Variants in ZNF280D observed in about 807,000 individuals in gnomAD.
The protein encoded by ZNF280D is suppressor of hairy wing homolog 4.
Under a neutral mutation model 94.7 loss-of-function variants are expected in ZNF280D, and 39 were observed. The observed-to-expected ratio is 0.41, with a 90% confidence interval of 0.32 to 0.54. The LOEUF (loss-of-function observed/expected upper bound fraction) is 0.54. Ranked by LOEUF, ZNF280D falls within the 20% of genes least tolerant of loss-of-function variation. The pLI, the probability that ZNF280D is intolerant of heterozygous loss-of-function variation, is 0.22. For synonymous variants in ZNF280D, 398 were observed against 377.6 expected, an observed-to-expected ratio of 1.05 and a Z score of -0.63; for missense variants, 1,090 against 1,149.3, an observed-to-expected ratio of 0.95 and a Z score of 0.75.
At position 56,704,231 on chromosome 15, in the gene ZNF280D, T is replaced by A. The variant is rs201407256; in HGVS notation, c.65A>T (p.Glu22Val). Residue 22 changes from glutamate (E) to valine (V), a missense_variant, in exon 4 of 22, where the codon GAA becomes GTA. By Grantham distance (121) the Glu-to-Val change is moderately radical. Around this residue, in one of 3 missense-constraint regions of ZNF280D, gnomAD observed 386 missense variants for 372.0 expected, o/e 1.04. Coordinates refer to ENST00000267807, the MANE Select transcript of ZNF280D (RefSeq NM_017661.4). ...CTGCCATGGTTCCAGCTCCTCTTCTTCACATTCCATAAACAGTTCTGCCAT... is the reference window on the plus strand; with the variant it reads ...CTGCCATGGTTCCAGCTCCTCTTCTACACATTCCATAAACAGTTCTGCCAT... The part of the protein sequence containing the change: ...SKMAELFMEC[E>V]EEELEPWQKK... 31 of 1,612,814 alleles carry A rather than the reference T, an allele frequency of 1.9e-5. 1 individual carries two copies. In the East Asian group the frequency reaches 6.0e-4, roughly 31 times the overall value.
Position 56,730,256 on chromosome 15 carries a change from G to C in ZNF280D, c.-86+3202C>G, listed in dbSNP as rs557740708. On this transcript the variant is annotated intron_variant, in intron 1 of 21. Coordinates refer to ENST00000267807, the MANE Select transcript of ZNF280D (RefSeq NM_017661.4). ...TTTAAATCACTATTTAAAGCAATCTGAAAATTCAAAGTTTTTAATTCCTTT... is the reference window on the plus strand; with the variant it reads ...TTTAAATCACTATTTAAAGCAATCTCAAAATTCAAAGTTTTTAATTCCTTT... 3.3e-5 allele frequency: 5 copies of C among 152,190 alleles called. No homozygotes were observed. The South Asian group carries it at 1.0e-3, about 32-fold the overall frequency. The allele number at this position is 152,190 out of a possible 1,614,324, so 9.4% of individuals were successfully genotyped here. A position where few individuals can be genotyped will look rare whatever the true frequency, so the allele number is the denominator to read the frequency against.
chr15:56,731,429 G>A (rs913402990), intron 1 of ZNF280D, among the ~76,000 whole-genome samples: 23 of 146,760 alleles, frequency 1.6e-4, no homozygotes, highest in African/African-American at 5.7e-4. Context: ...CTTGAGCCCA[G>A]GAAGGAGGTC....
chr15:56,652,694 G>A (rs192261075), intron 19 of ZNF280D: 3 of 985,130 alleles, frequency 3.0e-6, no homozygotes, highest in Admixed American at 6.2e-5. Context: ...CATCTTAGAC[G>A]CACAAATACG....
In ZNF280D at chr15:56,630,318, A is replaced by G. The variant is rs550650283; in HGVS notation, c.*1180T>C. On this transcript the variant is annotated 3_prime_UTR_variant, in exon 22 of 22. Coordinates refer to ENST00000267807, the MANE Select transcript of ZNF280D (RefSeq NM_017661.4). ...AAGCACATTTTAAGAAGTAAAAATG[A>G]AGCATTTTAAATAAAAGTTTATTAG... 1.5e-4 allele frequency: 23 copies of G among 152,312 alleles called. No individual in the cohort carries two copies. The highest frequency in any genetic ancestry group is 5.3e-4 in the African/African-American group (22 of 41,600). The allele number at this position is 152,312 out of a possible 1,614,324, so 9.4% of individuals were successfully genotyped here. A position where few individuals can be genotyped will look rare whatever the true frequency, so the allele number is the denominator to read the frequency against.
intron 13 of ZNF280D, among the ~76,000 whole-genome samples, chr15:56,671,023 T>C (rs2054827931): frequency 6.6e-6 from 1 of 151,988 alleles, no homozygotes; most frequent in Non-Finnish European, 1.5e-5. Context: ...TCTAATGGGG[T>C]TGGTTTCTTT....
At chr15:56,723,234 A>AT (rs1390952116) in intron 1 of ZNF280D, among the ~76,000 whole-genome samples, 3,573 of 110,376 alleles carry the variant, frequency 0.032, 73 homozygotes, top group South Asian at 0.071. Flanking sequence ...ATAATAATAA[A>AT]AAAATAAATA....
chr15:56,666,061 G>C (rs1237530964), intron 16 of ZNF280D, among the ~76,000 whole-genome samples: 1 of 151,758 alleles, frequency 6.6e-6, no homozygotes. Flanking sequence ...GCTTGATCCT[G>C]GGAGGCAGAG....
intron 9 of ZNF280D, among the ~76,000 whole-genome samples, chr15:56,684,282 T>C (rs1310408674): frequency 6.6e-6 from 1 of 152,134 alleles, no homozygotes; most frequent in Non-Finnish European, 1.5e-5. Context: ...TTAAACACTA[T>C]AGGCACTCAC....
chr15:56,669,337 G>A (rs1035821530), intron 13 of ZNF280D, among the ~76,000 whole-genome samples: 10 of 151,928 alleles, frequency 6.6e-5, no homozygotes, highest in Admixed American at 2.0e-4. Context: ...TTTCTAGTTG[G>A]TTGAAAAGTT....
At chr15:56,724,246 T>A (rs1333364451) in intron 1 of ZNF280D, among the ~76,000 whole-genome samples, 1 of 152,216 alleles carries the variant, frequency 6.6e-6, no homozygotes, top group Admixed American at 6.5e-5. Context: ...TTTGCTTTCA[T>A]CTCTTCAATA....
intron 4 of ZNF280D, among the ~76,000 whole-genome samples, chr15:56,702,481 C>A (rs1413852199): frequency 1.3e-5 from 2 of 151,954 alleles, no homozygotes; most frequent in African/African-American, 4.8e-5. Flanking sequence ...GGGGTTAATC[C>A]CCTTCTTGAT....
intron 1 of ZNF280D, chr15:56,730,040 C>T (rs1387011560): frequency 2.6e-5 from 4 of 151,872 alleles, no homozygotes; most frequent in African/African-American, 9.7e-5. Flanking sequence ...TATTTTTACT[C>T]CTATAAATTA....
intron 1 of ZNF280D, among the ~76,000 whole-genome samples, chr15:56,711,566 G>GC (rs2057760331): frequency 6.6e-6 from 1 of 152,128 alleles, no homozygotes; most frequent in African/African-American, 2.4e-5. Context: ...TCGGGAGGCT[G>GC]AAGAAGAATG....
At chr15:56,660,289 C>A (rs1423941285) in intron 16 of ZNF280D, among the ~76,000 whole-genome samples, 1 of 152,016 alleles carries the variant, frequency 6.6e-6, no homozygotes, top group Non-Finnish European at 1.5e-5. Flanking sequence ...AACAAGCAGG[C>A]TATTTATGGT....
chr15:56,635,079 T>C (rs1443073491), intron 21 of ZNF280D, 116 bp downstream of exon 21: 2 of 481,992 alleles, frequency 4.1e-6, no homozygotes, highest in East Asian at 4.0e-5. Flanking sequence ...TTACAGAAAA[T>C]AGCACTATAT....
intron 19 of ZNF280D, among the ~76,000 whole-genome samples, chr15:56,643,763 G>T (rs1307073478): frequency 6.6e-6 from 1 of 151,648 alleles, no homozygotes; most frequent in South Asian, 2.1e-4. Flanking sequence ...GTGTAAGTAG[G>T]GTACCTACCT....
intron 13 of ZNF280D, 116 bp downstream of exon 13, chr15:56,676,554 G>T (rs1338434169): frequency 6.0e-6 from 5 of 836,802 alleles, no homozygotes; most frequent in Admixed American, 3.3e-5. Context: ...TAAATTAATA[G>T]TGTCATTTGG....
intron 4 of ZNF280D, among the ~76,000 whole-genome samples, chr15:56,701,857 C>T (rs2057095027): frequency 6.6e-6 from 1 of 152,012 alleles, no homozygotes; most frequent in Non-Finnish European, 1.5e-5. Flanking sequence ...TTCAAATTTA[C>T]CACTACACCA....
At chr15:56,691,105 A>G (rs532929441) in intron 7 of ZNF280D, among the ~76,000 whole-genome samples, 42 of 152,330 alleles carry the variant, frequency 2.8e-4, no homozygotes, top group Admixed American at 7.2e-4. Context: ...GAAAGCACTC[A>G]GTAATAAATT....
Sources: gnomAD v4.1 joint callset for allele counts (sites outside exome capture counted in the v4.1 genomes callset) on GRCh38, gnomAD v4.1.1 for gene constraint, gnomAD v4.1.1 regional missense constraint, MANE v1.5 for transcripts, NCBI Gene and HGNC (gene_info 2026-07-23, HGNC 2026-07-21) for gene names.